The following PHF21B variants were observed in gnomAD, a reference collection of about 807,000 sequenced individuals.
PHF21B encodes the protein PHD finger protein 4.
PHF21B carries 22 observed loss-of-function variants against 62.2 expected under a neutral mutation model. The observed-to-expected ratio is 0.35, with a 90% CI of 0.25 to 0.51. The LOEUF (loss-of-function observed/expected upper bound fraction) is 0.51. PHF21B is among the 20% of genes least tolerant of loss of function. PHF21B has a pLI of 0.97. For missense variants in PHF21B, 701 were observed against 707.9 expected (o/e 0.99, Z 0.11); for synonymous variants, 341 against 314.7 (o/e 1.08, Z -0.88).
chr22:44,925,082 C>T (rs1191146100), intron 2 of PHF21B, among the ~76,000 whole-genome samples: 2 of 152,112 alleles, frequency 1.3e-5, no homozygotes, highest in South Asian at 2.1e-4. Flanking sequence ...GCTAGTTATA[C>T]GAAATTCTGA....
At chr22:44,968,878 T>C (rs2072583595) in intron 2 of PHF21B, 1 of 152,290 alleles carries the variant, frequency 6.6e-6, no homozygotes, top group South Asian at 2.1e-4. Context: ...ACTCAACCTG[T>C]CCTACTTTAT....
chr22:44,883,258 G>C lies in PHF21B; in HGVS notation c.1424C>G (p.Thr475Ser). ...CCGCAGGCGGTCCAGGGATGACTGGGTGCCCCTCTGGCGGGCCAGCAGGCT... is the reference window on the plus strand; with the variant it reads ...CCGCAGGCGGTCCAGGGATGACTGGCTGCCCCTCTGGCGGGCCAGCAGGCT... Reference protein sequence around the residue: ...KTSLLARQRGTQSSLDRLRAL... With the variant: ...KTSLLARQRGSQSSLDRLRAL... The change falls in exon 13 of 13, where the codon ACC becomes AGC. Residue 475 changes from threonine (T) to serine (S), a missense_variant. By Grantham distance (58) the Thr-to-Ser change is moderately conservative. Transcript: ENST00000313237. 1 of 1,613,880 alleles carries C rather than the reference G, an allele frequency of 6.2e-7. No individual in the cohort carries two copies. The highest frequency in any genetic ancestry group is 8.5e-7 in the Non-Finnish European group (1 of 1,179,944).
chr22:44,989,910 G>A (rs549397660), intron 2 of PHF21B, among the ~76,000 whole-genome samples: 2 of 152,250 alleles, frequency 1.3e-5, no homozygotes, highest in South Asian at 2.1e-4. Context: ...ATGCCCAGCC[G>A]TGAGCTACAT....
At chr22:44,957,125 C>T (rs987004228) in intron 2 of PHF21B, among the ~76,000 whole-genome samples, 9 of 152,196 alleles carry the variant, frequency 5.9e-5, no homozygotes, top group Admixed American at 5.2e-4. Context: ...ACAGCTGCCT[C>T]GTCCTGCGCA....
At chr22:44,995,570 C>T (rs923281034) in intron 2 of PHF21B, among the ~76,000 whole-genome samples, 4 of 152,296 alleles carry the variant, frequency 2.6e-5, no homozygotes, top group Non-Finnish European at 5.9e-5. Flanking sequence ...ACCACAGAAT[C>T]GCTAAACCTT....
intron 2 of PHF21B, among the ~76,000 whole-genome samples, chr22:44,987,931 C>G (rs962650546): frequency 6.6e-6 from 1 of 152,128 alleles, no homozygotes; most frequent in African/African-American, 2.4e-5. Context: ...TAAGGTGGGC[C>G]ACCCTGAAGA....
At chr22:44,974,122 G>A (rs946212556) in intron 2 of PHF21B, among the ~76,000 whole-genome samples, 9 of 152,078 alleles carry the variant, frequency 5.9e-5, no homozygotes, top group Non-Finnish European at 8.8e-5. Flanking sequence ...TGCTGTAAAC[G>A]TGCATATGCG....
chr22:44,919,006 C>T (rs895835650), intron 3 of PHF21B, among the ~76,000 whole-genome samples: 34 of 152,212 alleles, frequency 2.2e-4, no homozygotes, highest in Admixed American at 2.2e-3. Context: ...ACTCTGGTCT[C>T]TCCCTACCAC....
intron 2 of PHF21B, among the ~76,000 whole-genome samples, chr22:44,948,022 T>A (rs2072113121): frequency 6.6e-6 from 1 of 151,682 alleles, no homozygotes; most frequent in African/African-American, 2.4e-5. Context: ...TCCTCCCCAC[T>A]GCTGTCCCGT....
intron 2 of PHF21B, among the ~76,000 whole-genome samples, chr22:44,928,704 A>G (rs1376607536): frequency 6.6e-6 from 1 of 152,200 alleles, no homozygotes; most frequent in Non-Finnish European, 1.5e-5. Context: ...GCCAACACAC[A>G]TGGCTTAAAG....
chr22:44,885,300 C>T (rs2070836501), intron 12 of PHF21B, 126 bp downstream of exon 12: 3 of 848,872 alleles, frequency 3.5e-6, no homozygotes, highest in Middle Eastern at 7.3e-4. Context: ...GGCCCTGGCT[C>T]CTTCCTGCAC....
intron 5 of PHF21B, among the ~76,000 whole-genome samples, chr22:44,899,277 TTCTTA>T (rs1198297755): frequency 1.4e-5 from 2 of 146,606 alleles, no homozygotes; most frequent in African/African-American, 5.0e-5. Flanking sequence ...TGCCCCTCTG[TTCTTA>T]TTCTTTTTTT....
intron 2 of PHF21B, among the ~76,000 whole-genome samples, chr22:44,936,111 G>A (rs747741450): frequency 2.0e-5 from 3 of 152,228 alleles, no homozygotes; most frequent in Non-Finnish European, 4.4e-5. Flanking sequence ...AAATACCGTG[G>A]AGAACATCTT....
At chr22:44,924,777 T>G (rs186242585) in intron 2 of PHF21B, among the ~76,000 whole-genome samples, 44 of 152,360 alleles carry the variant, frequency 2.9e-4, no homozygotes, top group African/African-American at 1.0e-3. Flanking sequence ...AGGACATTTA[T>G]GATACGAGAC....
chr22:44,893,440 G>T lies in PHF21B; in HGVS notation c.960+17C>A. ...GCCCCCACCCTCCTGGTGGCATGGG[G>T]CTGGCGGGTTCCCCACCTCGGTCTC... is the stretch of plus-strand genomic sequence containing the variant. On this transcript the variant is annotated intron_variant, in intron 7 of 12. Transcript: ENST00000313237. The T allele has an allele frequency of 6.3e-7, 1 of 1,584,018 alleles. No homozygotes were observed. Among genetic ancestry groups the T allele is most frequent in the Non-Finnish European group, 8.6e-7 (1 of 1,165,620 alleles).
At chr22:44,909,526 G>A (rs1366129967) in intron 5 of PHF21B, among the ~76,000 whole-genome samples, 1 of 152,256 alleles carries the variant, frequency 6.6e-6, no homozygotes, top group Non-Finnish European at 1.5e-5. Flanking sequence ...TGGCTTTTTA[G>A]ACATGTCGAA....
intron 2 of PHF21B, among the ~76,000 whole-genome samples, chr22:44,997,205 G>C (rs1231184555): frequency 2.0e-5 from 3 of 152,118 alleles, no homozygotes; most frequent in African/African-American, 7.2e-5. Flanking sequence ...CCCTTACGCT[G>C]AAGGTCCTGG....
chr22:44,892,586 C>T (rs967177162), intron 7 of PHF21B, among the ~76,000 whole-genome samples: 4 of 152,252 alleles, frequency 2.6e-5, no homozygotes, highest in Admixed American at 1.3e-4. Context: ...ACACACCAGG[C>T]ACTGACCTCG....
intron 2 of PHF21B, among the ~76,000 whole-genome samples, chr22:44,991,443 G>C (rs2073041026): frequency 6.6e-6 from 1 of 152,150 alleles, no homozygotes; most frequent in South Asian, 2.1e-4. Context: ...ACGACAGGCA[G>C]ACTTGTGACA....
Sources: gnomAD v4.1 joint callset for allele counts (sites outside exome capture counted in the v4.1 genomes callset) on GRCh38, gnomAD v4.1.1 for gene constraint, MANE v1.5 for transcripts, NCBI Gene and HGNC (gene_info 2026-07-23, HGNC 2026-07-21) for gene names.